The following ACACA variants were observed in gnomAD, a reference collection of about 807,000 sequenced individuals.
ACACA encodes acetyl-CoA carboxylase 1.
In ACACA, 103 loss-of-function variants were observed where a neutral mutation model predicts 296.1. That is an observed-to-expected ratio of 0.35 (90% confidence interval 0.30 to 0.41). The LOEUF (loss-of-function observed/expected upper bound fraction) is 0.41, where lower values mean the gene tolerates loss of function less well. Among genes scored for constraint, ACACA ranks in the 10% least tolerant of loss-of-function variants. The probability of loss-of-function intolerance (pLI) is 1.00; values close to 1 mark genes in which losing one functional copy is unlikely to be tolerated. For synonymous variants in ACACA, 953 were observed against 1,038.6 expected (o/e 0.92, Z 1.58); for missense variants, 1,554 against 2,989.7 (o/e 0.52, Z 11.20).
chr17:37,273,351 A>T (rs2082145197), intron 9 of ACACA, among the ~76,000 whole-genome samples: 1 of 152,250 alleles, frequency 6.6e-6, no homozygotes, highest in African/African-American at 2.4e-5. Context: ...AACTGTAAGG[A>T]AAGAAAAGGT....
intron 1 of ACACA, among the ~76,000 whole-genome samples, chr17:37,359,737 A>G (rs1384941814): frequency 6.6e-6 from 1 of 152,022 alleles, no homozygotes; most frequent in Non-Finnish European, 1.5e-5. Flanking sequence ...CGCGTCCACT[A>G]CCTGTCCTCA....
At chr17:37,401,838 G>T (rs1483491902) in intron 1 of ACACA, among the ~76,000 whole-genome samples, 1 of 152,096 alleles carries the variant, frequency 6.6e-6, no homozygotes, top group Non-Finnish European at 1.5e-5. Context: ...GGGATTACAG[G>T]CATGAGCCAC....
chr17:37,327,687 T>C (rs970266240), intron 3 of ACACA, among the ~76,000 whole-genome samples: 1 of 152,248 alleles, frequency 6.6e-6, no homozygotes, highest in Non-Finnish European at 1.5e-5. Flanking sequence ...CAAATGGATA[T>C]TATGTTTCAC....
At chr17:37,374,330 A>T (rs1157269428) in intron 1 of ACACA, among the ~76,000 whole-genome samples, 1 of 144,120 alleles carries the variant, frequency 6.9e-6, no homozygotes, top group Non-Finnish European at 1.5e-5. Context: ...CTTGTTGCCC[A>T]GGCTGGAGTG....
intron 50 of ACACA, among the ~76,000 whole-genome samples, chr17:37,120,663 C>T (rs1277524711): frequency 6.6e-6 from 1 of 152,216 alleles, no homozygotes; most frequent in Non-Finnish European, 1.5e-5. Context: ...TCTGGCTTAG[C>T]ATGGCCATGA....
intron 33 of ACACA, among the ~76,000 whole-genome samples, chr17:37,203,515 A>C (rs1202165959): frequency 6.6e-6 from 1 of 151,706 alleles, no homozygotes; most frequent in Admixed American, 6.6e-5. Context: ...AGGCCGAGGC[A>C]GGCAGATCAC....
intron 41 of ACACA, among the ~76,000 whole-genome samples, chr17:37,166,497 C>G (rs76198249): frequency 0.13 from 19,077 of 152,148 alleles, 1,839 homozygotes; most frequent in East Asian, 0.45. Flanking sequence ...AACATTGCCA[C>G]TTATATTTTA....
At chr17:37,149,389 G>A (rs554947117) in intron 45 of ACACA, among the ~76,000 whole-genome samples, 1 of 152,198 alleles carries the variant, frequency 6.6e-6, no homozygotes, top group Admixed American at 6.5e-5. Context: ...CACCTAGGCC[G>A]GTACCTAATT....
intron 3 of ACACA, among the ~76,000 whole-genome samples, chr17:37,310,639 C>CAA (rs1206619787): frequency 6.6e-6 from 1 of 151,156 alleles, no homozygotes; most frequent in Non-Finnish European, 1.5e-5. Context: ...ACTAAAAATA[C>CAA]AAAAAATTAG....
chr17:37,370,713 TG>T (rs1358666992), intron 1 of ACACA, among the ~76,000 whole-genome samples: 4 of 151,630 alleles, frequency 2.6e-5, no homozygotes, highest in Non-Finnish European at 5.9e-5. Flanking sequence ...CCAGGTACGG[TG>T]ACTCATCCCT....
chr17:37,261,427 A>G (rs984063488), intron 11 of ACACA, among the ~76,000 whole-genome samples: 1 of 152,262 alleles, frequency 6.6e-6, no homozygotes, highest in Admixed American at 6.5e-5. Context: ...CAAATAGCCC[A>G]GAAGCTTAGT....
chr17:37,389,077 T>C (rs2050675954), intron 1 of ACACA, among the ~76,000 whole-genome samples: 1 of 152,208 alleles, frequency 6.6e-6, no homozygotes, highest in Admixed American at 6.5e-5. Context: ...TAAATGCAGT[T>C]CCTTTCCTCT....
At chr17:37,314,765 C>A (rs1006399632) in intron 3 of ACACA, among the ~76,000 whole-genome samples, 14 of 151,196 alleles carry the variant, frequency 9.3e-5, no homozygotes, top group African/African-American at 3.2e-4. Flanking sequence ...CTCAGCCTCC[C>A]AAGTAGCTGG....
At chr17:37,349,948 A>G (rs1197818097) in intron 1 of ACACA, among the ~76,000 whole-genome samples, 1 of 152,118 alleles carries the variant, frequency 6.6e-6, no homozygotes, top group African/African-American at 2.4e-5. Context: ...TTCAAACTAA[A>G]TATCACCAAT....
intron 3 of ACACA, among the ~76,000 whole-genome samples, chr17:37,316,580 C>T (rs1171919503): frequency 6.6e-6 from 1 of 152,124 alleles, no homozygotes; most frequent in African/African-American, 2.4e-5. Flanking sequence ...AAGGGGAAAC[C>T]TCGTACACTG....
rs765149297 is a variant in ACACA at position 37,350,153 on chromosome 17, G to A, written c.39-10303C>T. Reference sequence around the variant, plus strand: ...AGGCTGGGCAACAAAGTGAGACTCCGTCTCTATAAAAAATAAAAAAATTAA... The same window carrying A: ...AGGCTGGGCAACAAAGTGAGACTCCATCTCTATAAAAAATAAAAAAATTAA... On this transcript the variant is annotated intron_variant, in intron 1 of 55. Coordinates refer to ENST00000616317, the MANE Select transcript of ACACA (RefSeq NM_198834.3). 4.6e-5 allele frequency among the ~76,000 whole-genome samples: 7 copies of A among 151,902 alleles called. No homozygotes were observed. The East Asian group carries it at 7.8e-4, about 17-fold the overall frequency.
intron 18 of ACACA, 82 bp from the exon 19 acceptor site, chr17:37,247,058 GA>G (rs1414337013): frequency 1.4e-5 from 21 of 1,529,464 alleles, no homozygotes; most frequent in African/African-American, 6.9e-5. Context: ...AACCTTCAAA[GA>G]AAAAAAATCC....
intron 5 of ACACA, among the ~76,000 whole-genome samples, chr17:37,279,215 A>C (rs1275283661): frequency 3.3e-5 from 5 of 152,240 alleles, no homozygotes; most frequent in Non-Finnish European, 7.3e-5. Context: ...CTACTAAAAA[A>C]AATTCCGCTA....
At chr17:37,379,910 C>G (rs1460048244) in intron 1 of ACACA, among the ~76,000 whole-genome samples, 2 of 148,424 alleles carry the variant, frequency 1.3e-5, no homozygotes, top group African/African-American at 5.0e-5. Context: ...TTTGACCCAG[C>G]CATCCCATTA....
Sources: gnomAD v4.1 joint callset for allele counts (sites outside exome capture counted in the v4.1 genomes callset) on GRCh38, gnomAD v4.1.1 for gene constraint, MANE v1.5 for transcripts, NCBI Gene and HGNC (gene_info 2026-07-23, HGNC 2026-07-21) for gene names.